Variants in PPP1R8 observed in about 807,000 individuals in gnomAD.
The protein encoded by PPP1R8 is protein phosphatase 1 regulatory subunit 8.
PPP1R8 carries 4 observed loss-of-function variants against 31.3 expected under a neutral mutation model. That is an observed-to-expected ratio of 0.13 (90% CI 0.06 to 0.29). The LOEUF is 0.29. Ranked by LOEUF, PPP1R8 falls within the 10% of genes least tolerant of loss-of-function variation. The pLI is 1.00. For synonymous variants in PPP1R8, 170 were observed against 169.7 expected (o/e 1.00, Z -0.01); for missense variants, 254 against 440.1 (o/e 0.58, Z 3.78).
chr1:27,843,091 C>T (rs1267559270), intron 4 of PPP1R8, 95 bp from the exon 5 acceptor site: 2 of 1,447,396 alleles, frequency 1.4e-6, no homozygotes, highest in Non-Finnish European at 1.9e-6. Flanking sequence ...TCAAGATTAG[C>T]CCCTCATGCC....
chr1:27,832,615 C>T, intron 1 of PPP1R8, 141 bp from the exon 2 acceptor site: 1 of 617,228 alleles, frequency 1.6e-6, no homozygotes, highest in East Asian at 3.1e-5. Context: ...GCTGTAATAA[C>T]AGTGAAGTGG....
intron 1 of PPP1R8, chr1:27,831,102 T>TG (rs2089098355): frequency 1.5e-6 from 2 of 1,360,606 alleles, no homozygotes; most frequent in South Asian, 3.5e-5. Context: ...AACCCGGGGT[T>TG]GGGGGCTCAA....
chr1:27,840,312 T>A (rs12033053), intron 3 of PPP1R8, among the ~76,000 whole-genome samples: 6,783 of 152,290 alleles, frequency 0.045, 314 homozygotes, highest in East Asian at 0.25. Context: ...AAACATACAC[T>A]CACACATCAC....
intron 6 of PPP1R8, among the ~76,000 whole-genome samples, chr1:27,847,632 G>C (rs1443481661): frequency 1.3e-5 from 2 of 152,176 alleles, no homozygotes; most frequent in Admixed American, 1.3e-4. Context: ...CTGGGAGGTT[G>C]AGGTGGGAGA....
chr1:27,842,360 AG>A lies in PPP1R8; in HGVS notation c.493-825del, dbSNP rs369940549. On this transcript the variant is annotated intron_variant, in intron 4 of 6. Transcript: ENST00000311772. ...TCCGTCTCAAAAAAAAAAAAAAAAA[AG>A]AGAAATTTTACAATTAAGAAGTCGT... 3.9e-3 allele frequency among the ~76,000 whole-genome samples: 585 copies of A among 149,906 alleles called. 7 individuals are homozygous for A. Among genetic ancestry groups the A allele is most frequent in the African/African-American group, 0.014 (559 of 40,786 alleles).
At position 27,850,656 on chromosome 1, in the gene PPP1R8, A is replaced by T. The variant is rs79899183; in HGVS notation, c.*210A>T. ...TTCACAACACTTGCATTGTAGAGAA[A>T]GGCTTCTTATATCCTTTTCAATAGA... On this transcript the variant is annotated 3_prime_UTR_variant, in exon 7 of 7. Transcript: ENST00000311772. 0.011 allele frequency: 6,033 copies of T among 542,682 alleles called. 302 individuals carry two copies. Among genetic ancestry groups the T allele is most frequent in the African/African-American group, 0.1 (5,360 of 53,324 alleles). 33.6% of individuals were successfully genotyped at this position (542,682 alleles called of 1,614,324 possible).
chr1:27,850,659 C>G lies in PPP1R8; in HGVS notation c.*213C>G. 5 of 536,676 alleles carry G rather than the reference C, an allele frequency of 9.3e-6. No individual in the cohort carries two copies. Among genetic ancestry groups the G allele is most frequent in the Non-Finnish European group, 1.6e-5 (5 of 303,204 alleles). The allele number at this position is 536,676 out of a possible 1,614,324, so 33.2% of individuals were successfully genotyped here. A position where few individuals can be genotyped will look rare whatever the true frequency, so the allele number is the denominator to read the frequency against. On this transcript the variant is annotated 3_prime_UTR_variant, in exon 7 of 7. Coordinates refer to ENST00000311772, the MANE Select transcript of PPP1R8 (RefSeq NM_014110.5). ...ACAACACTTGCATTGTAGAGAAAGG[C>G]TTCTTATATCCTTTTCAATAGACTG...
chr1:27,838,256 T>A (rs1018857995), intron 2 of PPP1R8, among the ~76,000 whole-genome samples: 9 of 150,464 alleles, frequency 6.0e-5, no homozygotes, highest in Admixed American at 4.6e-4. Flanking sequence ...GGTGCACGCC[T>A]GTAGTCCCAG....
In PPP1R8 at chr1:27,830,866, C is replaced by T. The variant is rs1391534445; in HGVS notation, c.31C>T (p.Leu11Phe). 12 of 1,574,378 alleles carry T rather than the reference C, an allele frequency of 7.6e-6. No homozygotes were observed. Among genetic ancestry groups the T allele is most frequent in the Non-Finnish European group, 1.0e-5 (12 of 1,160,976 alleles). ...GGCAGCCGCGAACTCCGGCTCTAGCCTCCCGCTGTTCGACTGCCCAACCTG... is the reference window on the plus strand; with the variant it reads ...GGCAGCCGCGAACTCCGGCTCTAGCTTCCCGCTGTTCGACTGCCCAACCTG... MAAAANSGSSLPLFDCPTWAG... is the reference protein window; with the variant it reads MAAAANSGSSFPLFDCPTWAG... Residue 11 changes from leucine (L) to phenylalanine (F), a missense_variant, in exon 1 of 7, where the codon CTC becomes TTC. Leu to Phe is a conservative substitution (Grantham distance 22). Coordinates refer to ENST00000311772, the MANE Select transcript of PPP1R8 (RefSeq NM_014110.5).
rs2089283458 is a variant in PPP1R8, at chr1:27,846,571, A to AT, written c.638-454dup. 2.6e-5 allele frequency among the ~76,000 whole-genome samples: 4 copies of AT among 152,368 alleles called. No homozygotes were observed. The South Asian group carries it at 8.3e-4, about 32-fold the overall frequency. ...GCTAATAAGCAGGCATTAGCAAGGC[A>AT]TTTGATATGTGACCTCTTGACATGT... On this transcript the variant is annotated intron_variant, in intron 5 of 6. Coordinates refer to ENST00000311772, the MANE Select transcript of PPP1R8 (RefSeq NM_014110.5).
chr1:27,831,360 T>C (rs2072750), intron 1 of PPP1R8: 57,178 of 988,148 alleles, frequency 0.058, 9,280 homozygotes, highest in African/African-American at 0.54. Flanking sequence ...CCACAGAGAA[T>C]ACGAGGGTAG....
chr1:27,833,843 A>C (rs954983177), intron 2 of PPP1R8, among the ~76,000 whole-genome samples: 1 of 152,218 alleles, frequency 6.6e-6, no homozygotes, highest in Admixed American at 6.5e-5. Context: ...TGTTGTAGAG[A>C]TAACCAGGTA....
At chr1:27,836,543 T>C (rs1177811065) in intron 2 of PPP1R8, among the ~76,000 whole-genome samples, 1 of 152,026 alleles carries the variant, frequency 6.6e-6, no homozygotes, top group East Asian at 1.9e-4. Context: ...GCCTCCCGAG[T>C]AGCTGGGACT....
At chr1:27,840,800 G>A (rs2089215434) in intron 3 of PPP1R8, among the ~76,000 whole-genome samples, 1 of 152,076 alleles carries the variant, frequency 6.6e-6, no homozygotes, top group South Asian at 2.1e-4. Flanking sequence ...GGATGTGGTG[G>A]ACCCAGTGCC....
At chr1:27,840,370 C>G (rs2089211427) in intron 3 of PPP1R8, among the ~76,000 whole-genome samples, 2 of 152,188 alleles carry the variant, frequency 1.3e-5, no homozygotes, top group Non-Finnish European at 2.9e-5. Context: ...CTCGCAAATA[C>G]TTATCTTTTC....
rs12089386 is a variant in PPP1R8, at chr1:27,846,886, C to G, written c.638-142C>G. The G allele has an allele frequency of 0.029, 19,998 of 695,504 alleles. 2,820 individuals carry two copies. The African/African-American group carries it at 0.31, about 11-fold the overall frequency. The allele number at this position is 695,504 out of a possible 1,614,324, so 43.1% of individuals were successfully genotyped here. The stretch of plus-strand genomic sequence containing the variant: ...ACAGGGTCTTTGTGAGGATTTAGCA[C>G]AATGCCCAGCACCCAGGAAGCACTC... On this transcript the variant is annotated intron_variant, in intron 5 of 6. Transcript: ENST00000311772.
chr1:27,841,458 C>T (rs996342835), intron 4 of PPP1R8, among the ~76,000 whole-genome samples: 1 of 152,138 alleles, frequency 6.6e-6, no homozygotes, highest in Non-Finnish European at 1.5e-5. Context: ...GAGGCTGAGT[C>T]CCAGCCACTA....
intron 2 of PPP1R8, among the ~76,000 whole-genome samples, chr1:27,834,175 A>G (rs1332903551): frequency 6.6e-6 from 1 of 152,222 alleles, no homozygotes; most frequent in Non-Finnish European, 1.5e-5. Context: ...AGTCTTAATG[A>G]TAACATCACA....
In PPP1R8 at chr1:27,834,535, T is replaced by TA. The variant is rs749080799; in HGVS notation, c.117+1720dup. On this transcript the variant is annotated intron_variant, in intron 2 of 6. Transcript: ENST00000311772. ...GTCTTTTAAGCCCAGTGTGTAAAGA[T>TA]ACACTCTGAGTTATAACTCAGAGGC... 6 of 518,770 alleles carry TA rather than the reference T, an allele frequency of 1.2e-5. No homozygotes were observed. In the Admixed American group the frequency reaches 1.2e-4, roughly 10 times the overall value. 32.1% of individuals were successfully genotyped at this position (518,770 alleles called of 1,614,324 possible).
Sources: gnomAD v4.1 joint callset for allele counts (sites outside exome capture counted in the v4.1 genomes callset) on GRCh38, gnomAD v4.1.1 for gene constraint, MANE v1.5 for transcripts, NCBI Gene and HGNC (gene_info 2026-07-23, HGNC 2026-07-21) for gene names.